The following VPS13B variants were observed in gnomAD, a reference collection of about 807,000 sequenced individuals.
The protein encoded by VPS13B is vacuolar protein sorting 13 homolog B.
A neutral mutation model predicts 426.4 loss-of-function variants in VPS13B; 285 were observed. The observed-to-expected ratio is 0.67, with a 90% CI of 0.61 to 0.74. The LOEUF (loss-of-function observed/expected upper bound fraction) is 0.74, where lower values mean the gene tolerates loss of function less well. Ranked by LOEUF, VPS13B falls within the 30% of genes least tolerant of loss-of-function variation. The pLI is 0.00. For missense variants in VPS13B, 4,537 were observed against 4,782.6 expected, an observed-to-expected ratio of 0.95 and a Z score of 1.51; for synonymous variants, 1,676 against 1,676.4, an observed-to-expected ratio of 1.00 and a Z score of 0.01.
chr8:99,166,285 A>G (rs1811998153), intron 15 of VPS13B, among the ~76,000 whole-genome samples: 1 of 152,180 alleles, frequency 6.6e-6, no homozygotes, highest in Non-Finnish European at 1.5e-5. Context: ...GTGCCTGGCC[A>G]GGTAATACAG....
intron 35 of VPS13B, among the ~76,000 whole-genome samples, chr8:99,695,675 G>T (rs1218996530): frequency 5.0e-5 from 7 of 139,970 alleles, no homozygotes; most frequent in Non-Finnish European, 1.5e-5. Flanking sequence ...ATGTGCACAT[G>T]TACCCTAAAA....
intron 35 of VPS13B, among the ~76,000 whole-genome samples, chr8:99,699,131 CTTTTTTT>C (rs370004663): frequency 2.2e-4 from 20 of 90,556 alleles, no homozygotes; most frequent in Admixed American, 1.7e-3. Flanking sequence ...TAAGGAAAGT[CTTTTTTT>C]TTTTTTTTTT....
chr8:99,209,046 C>T (rs914604834), intron 17 of VPS13B, among the ~76,000 whole-genome samples: 7 of 151,878 alleles, frequency 4.6e-5, no homozygotes, highest in African/African-American at 9.7e-5. Flanking sequence ...TTTGGGAGGC[C>T]GAGGTGGGCA....
intron 21 of VPS13B, among the ~76,000 whole-genome samples, chr8:99,411,442 T>C (rs928033744): frequency 2.6e-5 from 4 of 152,084 alleles, no homozygotes; most frequent in African/African-American, 9.7e-5. Context: ...GTTTAAGTTC[T>C]TTGTAAATTC....
At chr8:99,396,176 G>A (rs947079523) in intron 21 of VPS13B, among the ~76,000 whole-genome samples, 9 of 152,042 alleles carry the variant, frequency 5.9e-5, no homozygotes, top group African/African-American at 1.9e-4. Flanking sequence ...AAGCAGGAGA[G>A]GGAGTGAGCC....
At chr8:99,857,998 C>T (rs549895466) in intron 56 of VPS13B, among the ~76,000 whole-genome samples, 22 of 152,268 alleles carry the variant, frequency 1.4e-4, no homozygotes, top group Non-Finnish European at 1.8e-4. Context: ...TGGGATTCTT[C>T]GGGACCTTGG....
At chr8:99,456,957 A>G (rs747377747) in intron 23 of VPS13B, among the ~76,000 whole-genome samples, 1 of 151,886 alleles carries the variant, frequency 6.6e-6, no homozygotes, top group Non-Finnish European at 1.5e-5. Context: ...TTAAATTAAT[A>G]ATTTAATTTC....
chr8:99,211,980 C>T (rs1343495539), intron 17 of VPS13B, among the ~76,000 whole-genome samples: 2 of 148,180 alleles, frequency 1.3e-5, no homozygotes, highest in African/African-American at 5.0e-5. Flanking sequence ...GCAACATCTG[C>T]CTCCCGGGTT....
chr8:99,461,629 G>A (rs1238445876), intron 23 of VPS13B, among the ~76,000 whole-genome samples: 1 of 152,078 alleles, frequency 6.6e-6, no homozygotes, highest in Non-Finnish European at 1.5e-5. Context: ...GTCAGTGAAA[G>A]CATTGACAAT....
chr8:99,559,930 C>G (rs1824809980), intron 31 of VPS13B, among the ~76,000 whole-genome samples: 1 of 152,002 alleles, frequency 6.6e-6, no homozygotes, highest in Non-Finnish European at 1.5e-5. Context: ...GTAGTTTTTT[C>G]CAATTCTGTG....
chr8:99,787,436 CAAAG>C (rs1243677265), intron 43 of VPS13B, among the ~76,000 whole-genome samples: 1 of 152,058 alleles, frequency 6.6e-6, no homozygotes, highest in Non-Finnish European at 1.5e-5. Context: ...CCTAAACAAA[CAAAG>C]GAAGAAGAAA....
intron 33 of VPS13B, among the ~76,000 whole-genome samples, chr8:99,591,809 T>C (rs1826693249): frequency 6.6e-6 from 1 of 152,138 alleles, no homozygotes; most frequent in Non-Finnish European, 1.5e-5. Context: ...TCAACCTTAA[T>C]GAATCTCACA....
chr8:99,220,481 C>A (rs575323770), intron 17 of VPS13B, among the ~76,000 whole-genome samples: 1 of 152,324 alleles, frequency 6.6e-6, no homozygotes, highest in Non-Finnish European at 1.5e-5. Flanking sequence ...AACTAGATGT[C>A]ATTTCCAAAT....
intron 4 of VPS13B, among the ~76,000 whole-genome samples, chr8:99,097,045 A>T (rs1846465844): frequency 6.6e-6 from 1 of 152,168 alleles, no homozygotes; most frequent in African/African-American, 2.4e-5. Context: ...GCTGGAAGTG[A>T]TACATATTCC....
intron 31 of VPS13B, among the ~76,000 whole-genome samples, chr8:99,573,502 T>C (rs1324984280): frequency 6.6e-6 from 1 of 152,250 alleles, no homozygotes; most frequent in Non-Finnish European, 1.5e-5. Context: ...GGATTGAGTT[T>C]CAGCTTTCTA....
chr8:99,871,007 C>G, intron 60 of VPS13B, 120 bp downstream of exon 60: 3 of 1,001,910 alleles, frequency 3.0e-6, no homozygotes, highest in Non-Finnish European at 4.6e-6. Context: ...ATTGTTGGCA[C>G]TGGCATCTCA....
intron 19 of VPS13B, among the ~76,000 whole-genome samples, chr8:99,306,863 T>G (rs911753610): frequency 7.9e-5 from 12 of 152,090 alleles, no homozygotes; most frequent in Admixed American, 4.6e-4. Context: ...TCAAAGAAAG[T>G]ATGTGATTAA....
At chr8:99,221,484 A>AT (rs1230464328) in intron 17 of VPS13B, among the ~76,000 whole-genome samples, 5 of 152,306 alleles carry the variant, frequency 3.3e-5, no homozygotes, top group Admixed American at 6.5e-5. Context: ...AGAAATGTTA[A>AT]TTTTTTTAAA....
intron 43 of VPS13B, among the ~76,000 whole-genome samples, chr8:99,792,192 A>G (rs771038741): frequency 1.3e-5 from 2 of 152,186 alleles, no homozygotes; most frequent in Non-Finnish European, 2.9e-5. Flanking sequence ...TCTTTGGAGC[A>G]GTCATAAGAG....
Sources: allele counts gnomAD v4.1 joint callset (sites outside exome capture counted in the v4.1 genomes callset), GRCh38; gene constraint gnomAD v4.1.1; transcripts MANE v1.5; gene names NCBI Gene and HGNC (gene_info 2026-07-23, HGNC 2026-07-21).